Variants in BCL11B observed in about 807,000 individuals in gnomAD.
BCL11B encodes the protein B-cell lymphoma/leukemia 11B.
Under a neutral mutation model 49.9 loss-of-function variants are expected in BCL11B, and 8 were observed. The ratio of observed to expected loss-of-function variants is 0.16; its 90% CI spans 0.09 to 0.29. The LOEUF is 0.29. Among genes scored for constraint, BCL11B ranks in the 10% least tolerant of loss-of-function variants. The pLI is 1.00. For missense variants in BCL11B, 1,006 were observed against 1,351.0 expected (o/e 0.74, Z 4.00); for synonymous variants, 739 against 637.4 (o/e 1.16, Z -2.40).
At chr14:99,218,421 T>C (rs1026928250) in intron 3 of BCL11B, among the ~76,000 whole-genome samples, 4 of 151,908 alleles carry the variant, frequency 2.6e-5, no homozygotes, top group Non-Finnish European at 5.9e-5. Context: ...TCGTTAATAG[T>C]TGTGTTCTGA....
Position 99,181,694 on chromosome 14 carries a change from G to A in BCL11B, c.641-5499C>T, listed in dbSNP as rs1272056044. Among the ~76,000 whole-genome samples the A allele has an allele frequency of 6.6e-5, 10 of 152,206 alleles. No homozygotes were observed. In the East Asian group the frequency reaches 1.2e-3, roughly 18 times the overall value. The stretch of plus-strand genomic sequence containing the variant: ...GAGAAGGGGAGACGTTTCACAGAGC[G>A]AGCAAGCGAGCCTGCGGGGTATGAC... On this transcript the variant is annotated intron_variant, in intron 3 of 3. Transcript: ENST00000357195.
At chr14:99,256,260 C>T (rs1481891373) in intron 2 of BCL11B, among the ~76,000 whole-genome samples, 2 of 152,194 alleles carry the variant, frequency 1.3e-5, no homozygotes, top group East Asian at 3.9e-4. Context: ...ACTCGTTTCC[C>T]CAGCCAGCCA....
chr14:99,178,015 T>G (rs568196572), intron 3 of BCL11B, among the ~76,000 whole-genome samples: 1 of 152,240 alleles, frequency 6.6e-6, no homozygotes, highest in East Asian at 1.9e-4. Context: ...GACTTGCCAG[T>G]TTCTGAGGGG....
rs747313521 is a variant in BCL11B at position 99,174,125 on chromosome 14, G to A, written c.*26C>T. ...CGGTTGGCAACGGTTCCACTGTACA[G>A]GTGCGGGGCGCCGGGGCCCGCGCGC... On this transcript the variant is annotated 3_prime_UTR_variant, in exon 4 of 4. Coordinates refer to ENST00000357195, the MANE Select transcript of BCL11B (RefSeq NM_138576.4). 6.2e-7 allele frequency: 1 copy of A among 1,602,272 alleles called. No individual in the cohort carries two copies. Among genetic ancestry groups the A allele is most frequent in the South Asian group, 1.1e-5 (1 of 90,682 alleles).
chr14:99,181,304 C>G (rs188494829), intron 3 of BCL11B, among the ~76,000 whole-genome samples: 1 of 152,358 alleles, frequency 6.6e-6, no homozygotes, highest in East Asian at 1.9e-4. Flanking sequence ...ACATTTTACA[C>G]TAGGCGTGGC....
At chr14:99,212,160 G>C (rs1420297417) in intron 3 of BCL11B, among the ~76,000 whole-genome samples, 1 of 152,168 alleles carries the variant, frequency 6.6e-6, no homozygotes, top group East Asian at 1.9e-4. Context: ...GGATTCACCT[G>C]AGCACTGGGG....
intron 3 of BCL11B, among the ~76,000 whole-genome samples, chr14:99,223,955 A>G (rs914429012): frequency 6.6e-6 from 1 of 152,218 alleles, no homozygotes; most frequent in African/African-American, 2.4e-5. Flanking sequence ...CCATGGGGAC[A>G]TGCATTTCAC....
chr14:99,175,221 C>A lies in BCL11B; in HGVS notation c.1615G>T (p.Glu539Ter). 6.4e-7 allele frequency: 1 copy of A among 1,551,274 alleles called. No homozygotes were observed. Residue 539 changes from glutamate (E) to a stop codon, truncating the protein, a stop_gained, in exon 4 of 4, where the codon GAG becomes TAG. Transcript: ENST00000357195. LOFTEE classifies it high-confidence loss of function. Reference protein sequence around the residue: ...EPEEEDEEEEEEEEELLLENE... With the variant: ...EPEEEDEEEE ...TCCAGTAGCAGCTCCTCCTCCTCCT[C>A]CTCCTCCTCCTCGTCCTCCTCCTCC...
At chr14:99,249,356 C>T (rs1030451133) in intron 2 of BCL11B, among the ~76,000 whole-genome samples, 3 of 152,088 alleles carry the variant, frequency 2.0e-5, no homozygotes, top group South Asian at 2.1e-4. Context: ...CATGGGTAAA[C>T]GTGTGCCATG....
At position 99,257,616 on chromosome 14, in the gene BCL11B, G is replaced by T. The variant is rs570461424; in HGVS notation, c.282C>A (p.Asp94Glu). ...GTGAGGAGGGTGGCGGGCTGTCCTT[G>T]TCCAGGGCCTTGTCATAGCAGGCAC... is the stretch of plus-strand genomic sequence containing the variant. ...SLGACYDKAL[D>E]KDSPPPSSRS... Residue 94 changes from aspartate (D) to glutamate (E), a missense_variant, in exon 2 of 4, where the codon GAC becomes GAA. Physicochemically the swap from Asp to Glu is conservative, Grantham distance 45 (BLOSUM62 2). Around this residue, in one of 6 missense-constraint regions of BCL11B, gnomAD observed 411 missense variants for 542.2 expected, o/e 0.76. Transcript: ENST00000357195. This position sits in a 1 kb window ranked among gnomAD's most constrained non-coding sequence, Gnocchi z 6.2. 2.5e-4 allele frequency: 406 copies of T among 1,613,982 alleles called. 3 individuals carry two copies. In the South Asian group the frequency reaches 4.3e-3, roughly 17 times the overall value.
At chr14:99,240,541 A>G (rs1888631129) in intron 2 of BCL11B, among the ~76,000 whole-genome samples, 1 of 152,266 alleles carries the variant, frequency 6.6e-6, no homozygotes, top group Non-Finnish European at 1.5e-5. Flanking sequence ...TCAACAAAGT[A>G]GTTCCTTTAA....
rs1046429210 is a variant in BCL11B at position 99,247,471 on chromosome 14, A to G, written c.427+10000T>C. 5.9e-5 allele frequency among the ~76,000 whole-genome samples: 9 copies of G among 152,188 alleles called. No homozygotes were observed. Among genetic ancestry groups the G allele is most frequent in the Admixed American group, 6.5e-5 (1 of 15,282 alleles). On this transcript the variant is annotated intron_variant, in intron 2 of 3. Transcript: ENST00000357195. The surrounding 1 kb of genome is among the most constrained non-coding windows in gnomAD (Gnocchi z 4.5). Reference sequence around the variant, plus strand: ...CTCCCGAACAGAGAAGAATTCAGACAGTTGTTGTCTCTCTGAGCCCAGGAC... The same window carrying G: ...CTCCCGAACAGAGAAGAATTCAGACGGTTGTTGTCTCTCTGAGCCCAGGAC...
intron 2 of BCL11B, among the ~76,000 whole-genome samples, chr14:99,254,524 A>G (rs1399925943): frequency 6.6e-6 from 1 of 152,228 alleles, no homozygotes; most frequent in Non-Finnish European, 1.5e-5. Context: ...GGACCCTCAC[A>G]GCCACCAGGA....
At chr14:99,224,643 G>C (rs1283457852) in intron 3 of BCL11B, among the ~76,000 whole-genome samples, 2 of 152,202 alleles carry the variant, frequency 1.3e-5, no homozygotes, top group Admixed American at 6.5e-5. Context: ...TCCCCCAGGT[G>C]CTGGTCATGG....
intron 1 of BCL11B, chr14:99,264,810 G>A (rs1889434787): frequency 1.3e-5 from 2 of 152,158 alleles, no homozygotes; most frequent in Admixed American, 1.3e-4. Flanking sequence ...CAAGAAATGT[G>A]TCCTTCTCTT....
At chr14:99,176,403 G>C (rs1886533599) in intron 3 of BCL11B, among the ~76,000 whole-genome samples, 1 of 152,160 alleles carries the variant, frequency 6.6e-6, no homozygotes, top group East Asian at 1.9e-4. Context: ...TCTGTGGGCG[G>C]GCCGCCCTGG....
At chr14:99,191,988 T>TA (rs1220474384) in intron 3 of BCL11B, among the ~76,000 whole-genome samples, 1 of 152,174 alleles carries the variant, frequency 6.6e-6, no homozygotes, top group African/African-American at 2.4e-5. Flanking sequence ...GTGATTTTTT[T>TA]AAAAAACACG....
At chr14:99,246,723 G>T (rs1888853410) in intron 2 of BCL11B, among the ~76,000 whole-genome samples, 1 of 1,966 alleles carries the variant, frequency 5.1e-4, no homozygotes, top group African/African-American at 5.8e-4. Flanking sequence ...GGAGGGGCCT[G>T]AAGACCCCTC....
intron 3 of BCL11B, among the ~76,000 whole-genome samples, chr14:99,216,573 C>T (rs2496477): frequency 0.13 from 19,126 of 152,136 alleles, 1,656 homozygotes; most frequent in African/African-American, 0.25. Flanking sequence ...CAGTCTCCCC[C>T]AGGAGGTACT....
Sources: gnomAD v4.1 joint callset for allele counts (sites outside exome capture counted in the v4.1 genomes callset) on GRCh38, gnomAD v4.1.1 for gene constraint, gnomAD v4.1.1 regional missense constraint, Gnocchi (gnomAD v3.1) non-coding constraint, MANE v1.5 for transcripts, NCBI Gene and HGNC (gene_info 2026-07-23, HGNC 2026-07-21) for gene names.